Variants in SLC1A2 observed in about 807,000 individuals in gnomAD.
SLC1A2 encodes solute carrier family 1 member 2.
Under a neutral mutation model 48.8 loss-of-function variants are expected in SLC1A2, and 15 were observed. The observed-to-expected ratio is 0.31, with a 90% confidence interval of 0.21 to 0.47. The LOEUF is 0.47. SLC1A2 is among the 20% of genes least tolerant of loss of function. The pLI, the probability that SLC1A2 is intolerant of heterozygous loss-of-function variation, is 0.99. For missense variants in SLC1A2, 502 were observed against 730.5 expected (o/e 0.69, Z 3.61); for synonymous variants, 279 against 272.6 (o/e 1.02, Z -0.23).
intron 1 of SLC1A2, among the ~76,000 whole-genome samples, chr11:35,366,727 A>G (rs10836381): frequency 0.75 from 114,022 of 152,046 alleles, 43,057 homozygotes; most frequent in East Asian, 0.95. Context: ...AACCAACACA[A>G]AACAGAAGTA....
chr11:35,292,599 C>T, intron 6 of SLC1A2, 79 bp from the exon 7 acceptor site: 1 of 758,766 alleles, frequency 1.3e-6, no homozygotes, highest in East Asian at 2.5e-5. Context: ...GTACCGCACA[C>T]TGAGGAAAAC....
intron 1 of SLC1A2, among the ~76,000 whole-genome samples, chr11:35,378,170 T>A (rs1307541082): frequency 6.6e-6 from 1 of 152,212 alleles, no homozygotes; most frequent in Non-Finnish European, 1.5e-5. Context: ...TAACTCCAAA[T>A]TCTGAACGGG....
At chr11:35,344,195 T>G (rs894824108) in intron 1 of SLC1A2, among the ~76,000 whole-genome samples, 2 of 152,168 alleles carry the variant, frequency 1.3e-5, no homozygotes, top group Admixed American at 1.3e-4. Flanking sequence ...GTGAATACCA[T>G]AGAGGCTTAC....
At chr11:35,342,523 TG>T (rs370750220) in intron 1 of SLC1A2, among the ~76,000 whole-genome samples, 16 of 17,088 alleles carry the variant, frequency 9.4e-4, no homozygotes, top group Admixed American at 4.2e-3. Flanking sequence ...GTGTTTTTTT[TG>T]TTGTTGTTGT....
intron 1 of SLC1A2, among the ~76,000 whole-genome samples, chr11:35,325,799 C>T (rs183102189): frequency 4.6e-5 from 7 of 151,920 alleles, no homozygotes; most frequent in Admixed American, 4.6e-4. Flanking sequence ...CCTGTCTCTA[C>T]TAAAAATACA....
At chr11:35,283,878 C>G (rs1850720376) in intron 8 of SLC1A2, among the ~76,000 whole-genome samples, 1 of 151,610 alleles carries the variant, frequency 6.6e-6, no homozygotes, top group Non-Finnish European at 1.5e-5. Flanking sequence ...CTTTAATATT[C>G]TAGGAGTATT....
chr11:35,322,762 T>C, intron 1 of SLC1A2: 2 of 808,380 alleles, frequency 2.5e-6, no homozygotes, highest in Non-Finnish European at 4.2e-6. Context: ...ATGCTGGAAA[T>C]ACCTGTTGCA....
chr11:35,320,232 T>TA (rs1487863357), intron 1 of SLC1A2, among the ~76,000 whole-genome samples: 7 of 152,226 alleles, frequency 4.6e-5, no homozygotes, highest in African/African-American at 1.7e-4. Context: ...ACACACCTGG[T>TA]AACAGTGACA....
chr11:35,384,501 C>T (rs1193939350), intron 1 of SLC1A2, among the ~76,000 whole-genome samples: 1 of 152,128 alleles, frequency 6.6e-6, no homozygotes, highest in Non-Finnish European at 1.5e-5. Context: ...AAGCATATGG[C>T]CATAATTCAA....
chr11:35,261,099 C>A, intron 10 of SLC1A2, 134 bp from the exon 11 acceptor site: 1 of 703,496 alleles, frequency 1.4e-6, no homozygotes, highest in Non-Finnish European at 2.5e-6. Flanking sequence ...GAGTTCTTTC[C>A]AAATTGAATT....
chr11:35,361,049 T>C (rs1380931619), intron 1 of SLC1A2, among the ~76,000 whole-genome samples: 1 of 152,040 alleles, frequency 6.6e-6, no homozygotes, highest in Admixed American at 6.5e-5. Flanking sequence ...CTAATTTTTG[T>C]ATGTTTAGTA....
chr11:35,392,115 A>G (rs950302297), intron 1 of SLC1A2, among the ~76,000 whole-genome samples: 1 of 152,146 alleles, frequency 6.6e-6, no homozygotes, highest in African/African-American at 2.4e-5. Flanking sequence ...GTGTTTGTGC[A>G]CGTGTGTGTG....
intron 1 of SLC1A2, among the ~76,000 whole-genome samples, chr11:35,402,669 T>C (rs1262325990): frequency 6.6e-6 from 1 of 152,194 alleles, no homozygotes; most frequent in Admixed American, 6.5e-5. Flanking sequence ...GACTTGTGAC[T>C]GACACCTGAA....
At chr11:35,340,979 C>G (rs1376363625) in intron 1 of SLC1A2, among the ~76,000 whole-genome samples, 1 of 152,172 alleles carries the variant, frequency 6.6e-6, no homozygotes, top group Admixed American at 6.5e-5. Context: ...GTTCAAGGAG[C>G]AAACCAGCAG....
At chr11:35,393,314 C>T (rs908551694) in intron 1 of SLC1A2, among the ~76,000 whole-genome samples, 1 of 152,180 alleles carries the variant, frequency 6.6e-6, no homozygotes, top group Non-Finnish European at 1.5e-5. Context: ...CTGTAAGGAT[C>T]TGTTTAATGC....
chr11:35,401,584 G>A (rs1234946503), intron 1 of SLC1A2, among the ~76,000 whole-genome samples: 1 of 152,160 alleles, frequency 6.6e-6, no homozygotes, highest in African/African-American at 2.4e-5. Context: ...TGGGTGAGAG[G>A]AGGGGTCCAC....
At chr11:35,377,235 C>G (rs769376091) in intron 1 of SLC1A2, among the ~76,000 whole-genome samples, 5 of 152,180 alleles carry the variant, frequency 3.3e-5, no homozygotes, top group South Asian at 2.1e-4. Context: ...GGATGTACAG[C>G]AAGTCAGCAG....
chr11:35,364,134 G>C (rs2135140323), intron 1 of SLC1A2, among the ~76,000 whole-genome samples: 1 of 152,320 alleles, frequency 6.6e-6, no homozygotes, highest in Non-Finnish European at 1.5e-5. Flanking sequence ...CACAAAGGGA[G>C]AGAAGACACT....
At chr11:35,275,187 G>A (rs1287352120) in intron 9 of SLC1A2, among the ~76,000 whole-genome samples, 2 of 152,208 alleles carry the variant, frequency 1.3e-5, no homozygotes, top group African/African-American at 4.8e-5. Context: ...AGCCCTCCTG[G>A]AGGGTGGAGG....
Sources: allele counts gnomAD v4.1 joint callset (sites outside exome capture counted in the v4.1 genomes callset), GRCh38; gene constraint gnomAD v4.1.1; transcripts MANE v1.5; gene names NCBI Gene and HGNC (gene_info 2026-07-23, HGNC 2026-07-21).